The following OSBPL3 variants were observed in gnomAD, a reference collection of about 807,000 sequenced individuals.
The protein encoded by OSBPL3 is oxysterol binding protein like 3.
OSBPL3 carries 65 observed loss-of-function variants against 120.1 expected under a neutral mutation model. That is an observed-to-expected ratio of 0.54 (90% CI 0.44 to 0.67). The LOEUF (loss-of-function observed/expected upper bound fraction) is 0.67. Among genes scored for constraint, OSBPL3 ranks in the 30% least tolerant of loss-of-function variants. The pLI is 0.00. For synonymous variants in OSBPL3, 416 were observed against 402.6 expected (o/e 1.03, Z -0.40); for missense variants, 1,004 against 1,082.1 (o/e 0.93, Z 1.01).
In OSBPL3 at chr7:24,916,916, C is replaced by CCA. The variant is rs1380987558; in HGVS notation, c.-149-24297_-149-24296dup. ...GCAGCCACTAAGACGTCTTCCATTT[C>CCA]CACCCCCCCCAACCTTTTTAGAAAA... On this transcript the variant is annotated intron_variant, in intron 1 of 22. Coordinates refer to ENST00000313367, the MANE Select transcript of OSBPL3 (RefSeq NM_015550.4). The surrounding 1 kb of genome is among the most constrained non-coding windows in gnomAD (Gnocchi z 4.9). 2.6e-5 allele frequency among the ~76,000 whole-genome samples: 2 copies of CCA among 77,378 alleles called. No individual in the cohort carries two copies. Among genetic ancestry groups the CCA allele is most frequent in the South Asian group, 5.0e-4 (1 of 2,010 alleles). The allele number at this position is 77,378 out of a possible 152,430, so 50.8% of individuals were successfully genotyped here. A position where few individuals can be genotyped will look rare whatever the true frequency, so the allele number is the denominator to read the frequency against.
chr7:24,803,199 A>C lies in OSBPL3; in HGVS notation c.2567+1116T>G, dbSNP rs368700937. Among the ~76,000 whole-genome samples the C allele has an allele frequency of 4.4e-4, 67 of 152,358 alleles. No homozygotes were observed. Among genetic ancestry groups the C allele is most frequent in the African/African-American group, 1.5e-3 (64 of 41,586 alleles). On this transcript the variant is annotated intron_variant, in intron 22 of 22. Coordinates refer to ENST00000313367, the MANE Select transcript of OSBPL3 (RefSeq NM_015550.4). The surrounding 1 kb of genome is among the most constrained non-coding windows in gnomAD (Gnocchi z 4.2). The stretch of plus-strand genomic sequence containing the variant: ...AAAAACACAAACAAAAAACATCCCA[A>C]AACAATGAAAAGACACTGGTGGCCC...
rs1254787990 is a variant in OSBPL3, at chr7:24,842,296, T to C, written c.1384A>G (p.Ser462Gly). ...FDAQEVLLSP[S>G]SSENEISDDD... The stretch of plus-strand genomic sequence containing the variant: ...GCTCAAACCTCGTTTTCTGAAGAGC[T>C]TGGAGATAACAGAACTTCCTGAGCA... The change falls in exon 13 of 23, where the codon AGC becomes GGC. Residue 462 changes from serine (S) to glycine (G), a missense_variant. Around this residue, in one of 4 missense-constraint regions of OSBPL3, gnomAD observed 473 missense variants for 568.0 expected, o/e 0.83. Coordinates refer to ENST00000313367, the MANE Select transcript of OSBPL3 (RefSeq NM_015550.4). The C allele has an allele frequency of 6.2e-7, 1 of 1,613,508 alleles. No homozygotes were observed. Among genetic ancestry groups the C allele is most frequent in the South Asian group, 1.1e-5 (1 of 90,926 alleles).
chr7:24,932,358 G>A lies in OSBPL3; in HGVS notation c.-149-39737C>T, dbSNP rs1445700938. Among the ~76,000 whole-genome samples the A allele has an allele frequency of 1.3e-5, 2 of 152,150 alleles. No homozygotes were observed. Among genetic ancestry groups the A allele is most frequent in the Non-Finnish European group, 2.9e-5 (2 of 68,016 alleles). Reference sequence around the variant, plus strand: ...GGGTCTGAGATAGGTTAGAATGCAAGAGCAAGAGAACACCACCAACACAAA... The same window carrying A: ...GGGTCTGAGATAGGTTAGAATGCAAAAGCAAGAGAACACCACCAACACAAA... On this transcript the variant is annotated intron_variant, in intron 1 of 22. Transcript: ENST00000313367. This position sits in a 1 kb window ranked among gnomAD's most constrained non-coding sequence, Gnocchi z 5.6.
At chr7:24,919,703 C>T (rs1438452495) in intron 1 of OSBPL3, among the ~76,000 whole-genome samples, 1 of 149,332 alleles carries the variant, frequency 6.7e-6, no homozygotes, top group Non-Finnish European at 1.5e-5. Flanking sequence ...CTTCAAAGGG[C>T]AATATCAAGA....
At position 24,910,652 on chromosome 7, in the gene OSBPL3, T is replaced by C. The variant is rs538886541; in HGVS notation, c.-149-18031A>G. 5.6e-4 allele frequency among the ~76,000 whole-genome samples: 86 copies of C among 152,330 alleles called. 1 individual carries two copies. Among genetic ancestry groups the C allele is most frequent in the African/African-American group, 2.1e-3 (86 of 41,570 alleles). ...AACCACTGTGATCAAGGAGATAAGA[T>C]GTCACAAATGAAACAAGCCAGAACA... On this transcript the variant is annotated intron_variant, in intron 1 of 22. Coordinates refer to ENST00000313367, the MANE Select transcript of OSBPL3 (RefSeq NM_015550.4).
intron 1 of OSBPL3, among the ~76,000 whole-genome samples, chr7:24,949,797 ACACT>A (rs1228651692): frequency 7.9e-5 from 12 of 152,092 alleles, no homozygotes; most frequent in African/African-American, 2.7e-4. Flanking sequence ...TAACTATAAC[ACACT>A]CTGTTATTAT....
chr7:24,920,622 T>C (rs914638084), intron 1 of OSBPL3, among the ~76,000 whole-genome samples: 11 of 152,192 alleles, frequency 7.2e-5, no homozygotes, highest in Admixed American at 6.5e-5. Context: ...AATTCTGTAG[T>C]ATGTGAATTA....
At chr7:24,853,992 C>G (rs1413702562) in intron 10 of OSBPL3, among the ~76,000 whole-genome samples, 2 of 152,156 alleles carry the variant, frequency 1.3e-5, no homozygotes, top group African/African-American at 4.8e-5. Flanking sequence ...AGTGAGCCCT[C>G]AGGTACAATG....
chr7:24,797,939 G>A lies in OSBPL3; in HGVS notation c.*2244C>T, dbSNP rs1791893637. On this transcript the variant is annotated 3_prime_UTR_variant, in exon 23 of 23. Transcript: ENST00000313367. This position sits in a 1 kb window ranked among gnomAD's most constrained non-coding sequence, Gnocchi z 4.8. ...GATGCTTTTGAGAAAAGGGACAGAA[G>A]GAGAAAAGAAGTCATTTCCCCCTCA... 1 of 152,082 alleles carries A rather than the reference G, an allele frequency of 6.6e-6. No individual in the cohort carries two copies. Among genetic ancestry groups the A allele is most frequent in the Admixed American group, 6.5e-5 (1 of 15,268 alleles). The allele number at this position is 152,082 out of a possible 1,614,324, so 9.4% of individuals were successfully genotyped here. A position where few individuals can be genotyped will look rare whatever the true frequency, so the allele number is the denominator to read the frequency against.
At chr7:24,832,751 G>A (rs55745081) in intron 15 of OSBPL3, among the ~76,000 whole-genome samples, 6,270 of 152,226 alleles carry the variant, frequency 0.041, 209 homozygotes, top group Non-Finnish European at 0.059. Flanking sequence ...ATGATGTTGT[G>A]GGGAAGACAG....
chr7:24,884,191 T>C (rs1490570196), intron 2 of OSBPL3, among the ~76,000 whole-genome samples: 1 of 152,200 alleles, frequency 6.6e-6, no homozygotes, highest in Non-Finnish European at 1.5e-5. Context: ...TGAGGGAGGC[T>C]TGTTTAAATA....
chr7:24,889,207 G>T (rs1275100713), intron 2 of OSBPL3, among the ~76,000 whole-genome samples: 1 of 152,184 alleles, frequency 6.6e-6, no homozygotes, highest in Non-Finnish European at 1.5e-5. Context: ...GCAATCACAT[G>T]GATGAACTGG....
At position 24,806,809 on chromosome 7, in the gene OSBPL3, G is replaced by A; in HGVS notation, c.2411C>T (p.Pro804Leu). 1 of 1,613,862 alleles carries A rather than the reference G, an allele frequency of 6.2e-7. No homozygotes were observed. The highest frequency in any genetic ancestry group is 8.5e-7 in the Non-Finnish European group (1 of 1,179,774). The change falls in exon 21 of 23, where the codon CCA becomes CTA. Residue 804 changes from proline (P) to leucine (L), a missense_variant. Physicochemically the swap from Pro to Leu is moderately conservative, Grantham distance 98. Transcript: ENST00000313367. The surrounding 1 kb of genome is among the most constrained non-coding windows in gnomAD (Gnocchi z 5.2). ...TGGCCTAAATCGAGTGTCAGTAGGT[G>A]GCAATAAAGACTTTGATGATGGATC... Reference protein sequence around the residue: ...EMDPSSKSLLPPTDTRFRPDQ... With the variant: ...EMDPSSKSLLLPTDTRFRPDQ...
At chr7:24,963,285 G>A (rs994734361) in intron 1 of OSBPL3, among the ~76,000 whole-genome samples, 1 of 152,146 alleles carries the variant, frequency 6.6e-6, no homozygotes, top group African/African-American at 2.4e-5. Flanking sequence ...ACCAAAGAAG[G>A]GGGTGTTGGA....
At chr7:24,929,533 A>G (rs901770519) in intron 1 of OSBPL3, among the ~76,000 whole-genome samples, 6 of 152,092 alleles carry the variant, frequency 3.9e-5, no homozygotes, top group African/African-American at 1.4e-4. Flanking sequence ...AGACTGTCCC[A>G]CAGGTTTCAA....
rs954179571 is a variant in OSBPL3, at chr7:24,850,000, T to G, written c.1159-824A>C. On this transcript the variant is annotated intron_variant, in intron 11 of 22. Transcript: ENST00000313367. This position sits in a 1 kb window ranked among gnomAD's most constrained non-coding sequence, Gnocchi z 5.4. ...TGCTGTGTGCTGGGAAGTAGGACTT[T>G]GTGAAAGATTAATTTTACTCTTTTC... 5.3e-5 allele frequency among the ~76,000 whole-genome samples: 8 copies of G among 152,104 alleles called. No homozygotes were observed. Among genetic ancestry groups the G allele is most frequent in the African/African-American group, 1.9e-4 (8 of 41,422 alleles).
At chr7:24,856,951 T>C (rs1289616961) in intron 10 of OSBPL3, among the ~76,000 whole-genome samples, 6 of 152,238 alleles carry the variant, frequency 3.9e-5, no homozygotes, top group South Asian at 2.1e-4. Context: ...CTTTACTAAA[T>C]GGTCCTACTT....
intron 1 of OSBPL3, among the ~76,000 whole-genome samples, chr7:24,911,647 C>T (rs892803772): frequency 2.0e-5 from 3 of 152,136 alleles, no homozygotes; most frequent in African/African-American, 2.4e-5. Context: ...TTCTATAAAT[C>T]GAAGTCCCCA....
chr7:24,965,164 A>G lies in OSBPL3; in HGVS notation c.-150+14722T>C, dbSNP rs1816230463. Among the ~76,000 whole-genome samples the G allele has an allele frequency of 6.6e-6, 1 of 152,236 alleles. No homozygotes were observed. Among genetic ancestry groups the G allele is most frequent in the Non-Finnish European group, 1.5e-5 (1 of 68,036 alleles). On this transcript the variant is annotated intron_variant, in intron 1 of 22. Coordinates refer to ENST00000313367, the MANE Select transcript of OSBPL3 (RefSeq NM_015550.4). This position sits in a 1 kb window ranked among gnomAD's most constrained non-coding sequence, Gnocchi z 4.3. ...TATTTACTGTTAATGCATGAGCGAAAGGATTCTACATCTCCCTAATTTTGT... is the reference window on the plus strand; with the variant it reads ...TATTTACTGTTAATGCATGAGCGAAGGGATTCTACATCTCCCTAATTTTGT...
Sources: gnomAD v4.1 joint callset for allele counts (sites outside exome capture counted in the v4.1 genomes callset) on GRCh38, gnomAD v4.1.1 for gene constraint, gnomAD v4.1.1 regional missense constraint, Gnocchi (gnomAD v3.1) non-coding constraint, MANE v1.5 for transcripts, NCBI Gene and HGNC (gene_info 2026-07-23, HGNC 2026-07-21) for gene names.